The following CRYBG3 variants were observed in gnomAD, a reference collection of about 807,000 sequenced individuals.
CRYBG3 encodes crystallin beta-gamma domain containing 3.
A neutral mutation model predicts 244.2 loss-of-function variants in CRYBG3; 127 were observed. That is an observed-to-expected ratio of 0.52 (90% CI 0.45 to 0.60). The LOEUF (loss-of-function observed/expected upper bound fraction) is 0.60, where lower values mean the gene tolerates loss of function less well. Among genes scored for constraint, CRYBG3 ranks in the 20% least tolerant of loss-of-function variants. The probability of loss-of-function intolerance (pLI) is 0.00; values close to 1 mark genes in which losing one functional copy is unlikely to be tolerated. For synonymous variants in CRYBG3, 1,132 were observed against 1,195.8 expected (o/e 0.95, Z 1.10); for missense variants, 3,325 against 3,442.5 (o/e 0.97, Z 0.85).
chr3:97,823,223 G>T (rs2038531467), intron 1 of CRYBG3, among the ~76,000 whole-genome samples: 1 of 152,088 alleles, frequency 6.6e-6, no homozygotes. Flanking sequence ...AACGCAGCTC[G>T]CTTTCTTAAA....
intron 2 of CRYBG3, among the ~76,000 whole-genome samples, chr3:97,852,246 G>A (rs1388985433): frequency 6.6e-6 from 1 of 152,188 alleles, no homozygotes; most frequent in Admixed American, 6.5e-5. Context: ...AGAAGTGAAT[G>A]TGAAAGAGAT....
chr3:97,880,039 A>T lies in CRYBG3; in HGVS notation c.6943A>T (p.Ile2315Phe). ...ATATAAACAAGAAGTCTACTGTAAT[A>T]TTCCTGATGCTACATCATGGTCTTT... ...STYKQEVYCNIPDATSWSFPN... is the reference protein window; with the variant it reads ...STYKQEVYCNFPDATSWSFPN... Residue 2315 changes from isoleucine to phenylalanine, a missense_variant, in exon 6 of 22, where the codon ATT becomes TTT. By Grantham distance (21) the Ile-to-Phe change is conservative. Transcript: ENST00000389622. The T allele has an allele frequency of 6.2e-7, 1 of 1,604,732 alleles. No homozygotes were observed. The highest frequency in any genetic ancestry group is 8.5e-7 in the Non-Finnish European group (1 of 1,173,440).
intron 1 of CRYBG3, among the ~76,000 whole-genome samples, chr3:97,839,372 G>A (rs1284446902): frequency 6.6e-6 from 1 of 151,978 alleles, no homozygotes; most frequent in Non-Finnish European, 1.5e-5. Context: ...TTGAGTATAT[G>A]TAGCTACTGT....
chr3:97,893,018 G>T (rs369124487), intron 11 of CRYBG3, 25 bp downstream of exon 11: 63 of 1,580,798 alleles, frequency 4.0e-5, no homozygotes, highest in African/African-American at 3.9e-4. Flanking sequence ...TTTAACATTT[G>T]CACAAGTAGT....
intron 2 of CRYBG3, among the ~76,000 whole-genome samples, chr3:97,856,911 C>G (rs1576524378): frequency 2.0e-5 from 3 of 152,072 alleles, no homozygotes; most frequent in Middle Eastern, 6.8e-3. Context: ...TATTTCTGCT[C>G]TGATTATTGT....
chr3:97,880,202 C>A (rs958569877), intron 6 of CRYBG3, 102 bp downstream of exon 6: 6 of 595,832 alleles, frequency 1.0e-5, no homozygotes, highest in Middle Eastern at 4.2e-4. Flanking sequence ...TCATATTCTC[C>A]TTCCTCTACT....
chr3:97,939,508 A>G (rs995428770), intron 19 of CRYBG3, among the ~76,000 whole-genome samples: 3 of 151,980 alleles, frequency 2.0e-5, no homozygotes, highest in African/African-American at 4.8e-5. Flanking sequence ...CTTATAATGT[A>G]TATCAGTGTT....
chr3:97,895,777 T>C (rs1371174821), intron 11 of CRYBG3, among the ~76,000 whole-genome samples, 182 bp from the exon 12 acceptor site: 1 of 152,238 alleles, frequency 6.6e-6, no homozygotes, highest in African/African-American at 2.4e-5. Context: ...CTCCAAATTA[T>C]AAAAATTATT....
chr3:97,937,367 C>T (rs2040176097), intron 19 of CRYBG3, among the ~76,000 whole-genome samples: 1 of 152,044 alleles, frequency 6.6e-6, no homozygotes, highest in African/African-American at 2.4e-5. Flanking sequence ...TACAATCTAC[C>T]CGCTACCCCA....
At chr3:97,859,119 G>C (rs1167409425) in intron 2 of CRYBG3, among the ~76,000 whole-genome samples, 1 of 152,176 alleles carries the variant, frequency 6.6e-6, no homozygotes, top group Non-Finnish European at 1.5e-5. Flanking sequence ...TGTGGAAGCA[G>C]TGATATGGCT....
chr3:97,924,594 C>A (rs1434293682), intron 17 of CRYBG3, among the ~76,000 whole-genome samples: 1 of 152,026 alleles, frequency 6.6e-6, no homozygotes. Flanking sequence ...GGGGAGAACC[C>A]ATTTCCTTAC....
chr3:97,941,164 G>C lies in CRYBG3; in HGVS notation c.8522G>C (p.Arg2841Thr), dbSNP rs1239049998. The C allele has an allele frequency of 2.5e-6, 4 of 1,610,092 alleles. No homozygotes were observed. In the South Asian group the frequency reaches 3.3e-5, roughly 13 times the overall value. ...RPMKQPAVYI[R>T]IKNRAQGEYL... ...CTGTCATAGCCTGCAGTGTACATCA[G>C]AATAAAGAACCGTGCCCAGGGTGAA... Residue 2841 changes from arginine (R) to threonine (T), a missense_variant, in exon 20 of 22, where the codon AGA becomes ACA. This residue lies in a region of CRYBG3 where 714 missense variants were observed against 803.6 expected (regional missense o/e 0.89). Coordinates refer to ENST00000389622, the MANE Select transcript of CRYBG3 (RefSeq NM_153605.4).
At chr3:97,869,533 G>A (rs1335978054) in intron 3 of CRYBG3, among the ~76,000 whole-genome samples, 1 of 152,082 alleles carries the variant, frequency 6.6e-6, no homozygotes, top group East Asian at 1.9e-4. Context: ...TACATAGAGA[G>A]ATTAATAAAA....
chr3:97,907,947 T>A (rs1488948362), intron 15 of CRYBG3, among the ~76,000 whole-genome samples: 1 of 152,098 alleles, frequency 6.6e-6, no homozygotes, highest in African/African-American at 2.4e-5. Context: ...GTATGTTGTG[T>A]CTTTGTTCCC....
intron 2 of CRYBG3, among the ~76,000 whole-genome samples, chr3:97,845,989 C>T (rs2038895434): frequency 6.6e-6 from 1 of 152,114 alleles, no homozygotes; most frequent in Non-Finnish European, 1.5e-5. Flanking sequence ...TCTTTTAGTT[C>T]CCTCTGACAT....
intron 16 of CRYBG3, among the ~76,000 whole-genome samples, chr3:97,915,119 A>T (rs77889252): frequency 1.1e-4 from 16 of 152,194 alleles, no homozygotes; most frequent in African/African-American, 3.9e-4. Flanking sequence ...ACTGAATACA[A>T]ACATTTTTAA....
intron 15 of CRYBG3, 62 bp from the exon 16 acceptor site, chr3:97,912,105 T>C: frequency 1.3e-6 from 1 of 760,892 alleles, no homozygotes; most frequent in Non-Finnish European, 2.1e-6. Flanking sequence ...AGGTTTTTAT[T>C]TGCTCGTGAT....
chr3:97,925,500 A>G (rs989430057), intron 17 of CRYBG3, among the ~76,000 whole-genome samples: 5 of 152,112 alleles, frequency 3.3e-5, no homozygotes, highest in African/African-American at 1.2e-4. Flanking sequence ...GGAATGAAAT[A>G]TAGTAGTTAC....
At chr3:97,871,797 A>G (rs1403732250) in intron 3 of CRYBG3, 45 bp from the exon 4 acceptor site, 6 of 1,322,794 alleles carry the variant, frequency 4.5e-6, no homozygotes, top group Non-Finnish European at 6.0e-6. Flanking sequence ...AGTATTAAGT[A>G]TTATTAATTA....
Sources: gnomAD v4.1 joint callset for allele counts (sites outside exome capture counted in the v4.1 genomes callset) on GRCh38, gnomAD v4.1.1 for gene constraint, gnomAD v4.1.1 regional missense constraint, MANE v1.5 for transcripts, NCBI Gene and HGNC (gene_info 2026-07-23, HGNC 2026-07-21) for gene names.